The following VANGL1 variants were observed in gnomAD, a reference collection of about 807,000 sequenced individuals.
VANGL1 encodes the protein vang-like protein 1.
In VANGL1, 18 loss-of-function variants were observed where a neutral mutation model predicts 48.4. The ratio of observed to expected loss-of-function variants is 0.37; its 90% confidence interval spans 0.26 to 0.55. The LOEUF is 0.55. Ranked by LOEUF, VANGL1 falls within the 20% of genes least tolerant of loss-of-function variation. The pLI, the probability that VANGL1 is intolerant of heterozygous loss-of-function variation, is 0.81. For missense variants in VANGL1, 667 were observed against 675.8 expected, an observed-to-expected ratio of 0.99 and a Z score of 0.14; for synonymous variants, 257 against 261.8, an observed-to-expected ratio of 0.98 and a Z score of 0.18.
chr1:115,666,545 C>G (rs1652796871), intron 4 of VANGL1, among the ~76,000 whole-genome samples: 1 of 152,180 alleles, frequency 6.6e-6, no homozygotes, highest in African/African-American at 2.4e-5. Context: ...TTTCAGTCTG[C>G]TCTTACCATG....
chr1:115,650,812 C>T (rs973955081), intron 1 of VANGL1, among the ~76,000 whole-genome samples: 13 of 151,014 alleles, frequency 8.6e-5, no homozygotes, highest in Non-Finnish European at 1.8e-4. Flanking sequence ...CCCAGAAATT[C>T]GGATCCTAGA....
chr1:115,662,133 CTT>C (rs1246793934), intron 3 of VANGL1, among the ~76,000 whole-genome samples: 1 of 152,186 alleles, frequency 6.6e-6, no homozygotes, highest in Non-Finnish European at 1.5e-5. Context: ...ATACTTCTGA[CTT>C]TGCAAGTTGA....
intron 2 of VANGL1, among the ~76,000 whole-genome samples, chr1:115,654,687 C>T (rs923725098): frequency 6.6e-6 from 1 of 152,186 alleles, no homozygotes; most frequent in African/African-American, 2.4e-5. Context: ...GCACCTGCCC[C>T]GAGCTCCTTC....
chr1:115,662,585 A>G (rs10923144), intron 3 of VANGL1, among the ~76,000 whole-genome samples: 22,677 of 152,200 alleles, frequency 0.15, 2,557 homozygotes, highest in African/African-American at 0.32. Flanking sequence ...TAGAAAGTAA[A>G]AGATAACATT....
intron 5 of VANGL1, 34 bp from the exon 6 acceptor site, chr1:115,683,910 T>G (rs745907608): frequency 1.1e-5 from 18 of 1,610,662 alleles, no homozygotes; most frequent in Non-Finnish European, 1.4e-5. Context: ...CCTCGTGGTA[T>G]TAACACTATT....
chr1:115,655,263 A>G (rs1014993749), intron 2 of VANGL1, among the ~76,000 whole-genome samples: 4 of 152,360 alleles, frequency 2.6e-5, no homozygotes, highest in African/African-American at 9.6e-5. Flanking sequence ...AGAAATAGGC[A>G]AACAACAGAA....
rs1570751183 is a variant in VANGL1 at position 115,664,022 on chromosome 1, T to C, written c.566T>C (p.Leu189Ser). 6.2e-7 allele frequency: 1 copy of C among 1,614,104 alleles called. No individual in the cohort carries two copies. Among genetic ancestry groups the C allele is most frequent in the African/African-American group, 1.3e-5 (1 of 74,946 alleles). The change falls in exon 4 of 8, where the codon TTG becomes TCG. Residue 189 changes from leucine to serine, a missense_variant. By Grantham distance (145) the Leu-to-Ser change is moderately radical. Coordinates refer to ENST00000355485, the MANE Select transcript of VANGL1 (RefSeq NM_138959.3). ...CGGGTGTTTGTGTTTCGTGCCCTTT[T>C]GTTGGTCCTCATCTTTCTCTTTGTG... is the stretch of plus-strand genomic sequence containing the variant. Reference protein sequence around the residue: ...MPRVFVFRALLLVLIFLFVVS... With the variant: ...MPRVFVFRALSLVLIFLFVVS...
chr1:115,685,881 C>A (rs552404008), intron 7 of VANGL1, among the ~76,000 whole-genome samples: 90 of 152,142 alleles, frequency 5.9e-4, no homozygotes, highest in African/African-American at 2.1e-3. Flanking sequence ...TAACCTTGGG[C>A]AGATGGCAAT....
At chr1:115,679,448 G>A (rs960822259) in intron 4 of VANGL1, among the ~76,000 whole-genome samples, 1 of 152,246 alleles carries the variant, frequency 6.6e-6, no homozygotes, top group Non-Finnish European at 1.5e-5. Flanking sequence ...CAGGTGGGCT[G>A]TGGACTTGGC....
At chr1:115,686,613 C>T (rs1653645353) in intron 7 of VANGL1, among the ~76,000 whole-genome samples, 1 of 151,966 alleles carries the variant, frequency 6.6e-6, no homozygotes, top group Non-Finnish European at 1.5e-5. Context: ...TGACTGTGCA[C>T]AAATTACTCT....
chr1:115,662,260 A>G (rs1290183217), intron 3 of VANGL1, among the ~76,000 whole-genome samples: 4 of 152,120 alleles, frequency 2.6e-5, no homozygotes, highest in Admixed American at 2.6e-4. Context: ...TTATTTGATG[A>G]TGAGCGATGT....
chr1:115,685,459 A>G lies in VANGL1; in HGVS notation c.1246A>G (p.Asn416Asp), dbSNP rs146596086. Residue 416 changes from asparagine to aspartate, a missense_variant, in exon 7 of 8, where the codon AAC (asparagine) becomes GAC (aspartate). By Grantham distance (23) the Asn-to-Asp change is conservative. Coordinates refer to ENST00000355485, the MANE Select transcript of VANGL1 (RefSeq NM_138959.3). ...GTACCTGCGCATCACCCGGCAGCAG[A>G]ACTACCACAGCATGGAGAGCATCCT... The part of the protein sequence containing the change: ...QKYLRITRQQ[N>D]YHSMESILQH... 2.5e-5 allele frequency: 40 copies of G among 1,614,034 alleles called. No individual in the cohort carries two copies. Among genetic ancestry groups the G allele is most frequent in the Non-Finnish European group, 3.2e-5 (38 of 1,180,032 alleles).
intron 2 of VANGL1, among the ~76,000 whole-genome samples, chr1:115,651,862 C>T (rs1018631833): frequency 3.9e-5 from 6 of 152,022 alleles, no homozygotes; most frequent in African/African-American, 1.2e-4. Flanking sequence ...GTTCACGCCA[C>T]TCTCCTGCCT....
intron 1 of VANGL1, among the ~76,000 whole-genome samples, chr1:115,644,045 AG>A (rs1218151265): frequency 6.6e-6 from 1 of 152,196 alleles, no homozygotes; most frequent in Non-Finnish European, 1.5e-5. Context: ...TGTGAGTAGA[AG>A]TTGAAATTGC....
intron 4 of VANGL1, 150 bp from the exon 5 acceptor site, chr1:115,682,214 G>A: frequency 2.7e-6 from 3 of 1,131,114 alleles, no homozygotes; most frequent in Non-Finnish European, 3.8e-6. Context: ...TCATCCTGGA[G>A]ACCAGAAGTG....
chr1:115,691,601 G>A lies in VANGL1; in HGVS notation c.*222G>A. The A allele has an allele frequency of 2.0e-6, 1 of 509,790 alleles. No individual in the cohort carries two copies. Among genetic ancestry groups the A allele is most frequent in the Non-Finnish European group, 3.3e-6 (1 of 300,644 alleles). 31.6% of individuals were successfully genotyped at this position (509,790 alleles called of 1,614,324 possible). ...TGATGACATCTGACTTTTGTCGATG[G>A]GACTTCTCAAGAAGCCATTCCTTGG... is the stretch of plus-strand genomic sequence containing the variant. On this transcript the variant is annotated 3_prime_UTR_variant, in exon 8 of 8. Coordinates refer to ENST00000355485, the MANE Select transcript of VANGL1 (RefSeq NM_138959.3).
At chr1:115,680,870 G>T (rs1406329207) in intron 4 of VANGL1, among the ~76,000 whole-genome samples, 1 of 152,208 alleles carries the variant, frequency 6.6e-6, no homozygotes, top group African/African-American at 2.4e-5. Flanking sequence ...CCATCCTGGT[G>T]CTCTGGCTAC....
At chr1:115,671,047 C>G (rs1226845213) in intron 4 of VANGL1, 1 of 152,306 alleles carries the variant, frequency 6.6e-6, no homozygotes. Context: ...TCAGCTGCCT[C>G]CTGCCAGCGG....
chr1:115,690,985 A>C (rs1232455696), intron 7 of VANGL1, 134 bp from the exon 8 acceptor site: 3 of 1,243,042 alleles, frequency 2.4e-6, no homozygotes, highest in Non-Finnish European at 3.4e-6. Context: ...ATTGAGTGTG[A>C]TGAGCTGGGC....
Sources: gnomAD v4.1 joint callset for allele counts (sites outside exome capture counted in the v4.1 genomes callset) on GRCh38, gnomAD v4.1.1 for gene constraint, MANE v1.5 for transcripts, NCBI Gene and HGNC (gene_info 2026-07-23, HGNC 2026-07-21) for gene names.